Variants in ELF2 observed in about 807,000 individuals in gnomAD.
The protein encoded by ELF2 is ETS-related transcription factor Elf-2.
ELF2 carries 11 observed loss-of-function variants against 54.8 expected under a neutral mutation model. The observed-to-expected ratio is 0.20, with a 90% CI of 0.13 to 0.33. The LOEUF (loss-of-function observed/expected upper bound fraction) is 0.33. Ranked by LOEUF, ELF2 falls within the 10% of genes least tolerant of loss-of-function variation. The pLI is 1.00. For synonymous variants in ELF2, 203 were observed against 245.1 expected (o/e 0.83, Z 1.61); for missense variants, 513 against 703.0 (o/e 0.73, Z 3.06).
intron 3 of ELF2, 120 bp downstream of exon 3, chr4:139,137,510 A>G (rs1738308569): frequency 1.0e-6 from 1 of 972,444 alleles, no homozygotes. Context: ...CGACATGTAC[A>G]TGTATAATTT....
At position 139,172,400 on chromosome 4, in the gene ELF2, C is replaced by A. The variant is rs566421169; in HGVS notation, c.-252+4567G>T. Among the ~76,000 whole-genome samples the A allele has an allele frequency of 2.0e-4, 31 of 152,278 alleles. 1 individual carries two copies. In the South Asian group the frequency reaches 5.8e-3, roughly 29 times the overall value. ...CAGCATGATGAAACCTCATACCATGCCCCTCTGCCTCGGCCATGAATCATC... is the reference window on the plus strand; with the variant it reads ...CAGCATGATGAAACCTCATACCATGACCCTCTGCCTCGGCCATGAATCATC... On this transcript the variant is annotated intron_variant, in intron 1 of 9. Coordinates refer to ENST00000686138, the MANE Select transcript of ELF2 (RefSeq NM_001331036.3).
chr4:139,066,093 G>T (rs1482207807), intron 7 of ELF2: 1 of 130,870 alleles, frequency 7.6e-6, no homozygotes, highest in Non-Finnish European at 1.6e-5. Context: ...TTTTAAACTA[G>T]ACTTAATTTC....
At chr4:139,102,350 G>T (rs1354377238) in intron 4 of ELF2, 1 of 143,358 alleles carries the variant, frequency 7.0e-6, no homozygotes, top group Non-Finnish European at 1.5e-5. Context: ...GTGAAACCCG[G>T]TCTCTACGAA....
intron 1 of ELF2, among the ~76,000 whole-genome samples, chr4:139,164,530 T>C (rs1382275395): frequency 1.3e-5 from 2 of 152,066 alleles, no homozygotes; most frequent in Non-Finnish European, 2.9e-5. Context: ...CCAGCTACTC[T>C]GGAGGCTCAG....
At chr4:139,138,092 A>T (rs1302435042) in intron 2 of ELF2, among the ~76,000 whole-genome samples, 1 of 152,184 alleles carries the variant, frequency 6.6e-6, no homozygotes, top group African/African-American at 2.4e-5. Flanking sequence ...AATTGTACAT[A>T]GGTAGTATTA....
chr4:139,121,581 A>G lies in ELF2; in HGVS notation c.238+3583T>C, dbSNP rs187875627. Among the ~76,000 whole-genome samples the G allele has an allele frequency of 3.0e-3, 460 of 152,076 alleles. 2 individuals carry two copies. The highest frequency in any genetic ancestry group is 6.8e-3 in the Middle Eastern group (2 of 292). On this transcript the variant is annotated intron_variant, in intron 4 of 9. Coordinates refer to ENST00000686138, the MANE Select transcript of ELF2 (RefSeq NM_001331036.3). ...CTGTACTTTCAAACTCCTGTAGTGA[A>G]TCCAAAAAACTCCTTCCCTCCCCTC...
chr4:139,097,181 G>C (rs1297937644), intron 4 of ELF2, among the ~76,000 whole-genome samples: 1 of 151,870 alleles, frequency 6.6e-6, no homozygotes, highest in Non-Finnish European at 1.5e-5. Context: ...TGGTTTTTTT[G>C]TTTGTTTGTA....
At chr4:139,122,605 G>A (rs1367346948) in intron 4 of ELF2, among the ~76,000 whole-genome samples, 1 of 151,940 alleles carries the variant, frequency 6.6e-6, no homozygotes, top group African/African-American at 2.4e-5. Flanking sequence ...GAGTTCAAGC[G>A]AGTCTCCTGC....
chr4:139,105,280 T>C (rs1164103022), intron 4 of ELF2, among the ~76,000 whole-genome samples: 1 of 152,192 alleles, frequency 6.6e-6, no homozygotes, highest in African/African-American at 2.4e-5. Context: ...CAAACTTACA[T>C]GTTTTGTCCA....
chr4:139,062,180 T>C (rs1727963973), intron 7 of ELF2, 123 bp from the exon 8 acceptor site: 1 of 1,086,782 alleles, frequency 9.2e-7, no homozygotes, highest in Non-Finnish European at 1.3e-6. Flanking sequence ...TCTACTTTTT[T>C]TTTTTTTGGA....
At chr4:139,087,717 G>A (rs527497393) in intron 4 of ELF2, among the ~76,000 whole-genome samples, 11 of 152,126 alleles carry the variant, frequency 7.2e-5, no homozygotes, top group South Asian at 6.2e-4. Flanking sequence ...CGCCCTCCCC[G>A]GCCTCCCAAA....
rs1323915059 is a variant in ELF2 at position 139,113,626 on chromosome 4, G to C, written c.238+11538C>G. Among the ~76,000 whole-genome samples, 3 of 152,110 alleles carry C rather than the reference G, an allele frequency of 2.0e-5. No homozygotes were observed. In the East Asian group the frequency reaches 5.8e-4, roughly 29 times the overall value. On this transcript the variant is annotated intron_variant, in intron 4 of 9. Coordinates refer to ENST00000686138, the MANE Select transcript of ELF2 (RefSeq NM_001331036.3). ...GTACCTTGGGAGACCAAGGAGGACA[G>C]ATCGAGTCACTTGATGTCAGGAGTT...
At chr4:139,086,646 G>T (rs1367615178) in intron 4 of ELF2, among the ~76,000 whole-genome samples, 1 of 152,042 alleles carries the variant, frequency 6.6e-6, no homozygotes, top group Non-Finnish European at 1.5e-5. Context: ...TTATTAAGCT[G>T]GTAGCACTAA....
chr4:139,070,471 A>G (rs1284717942), intron 6 of ELF2, among the ~76,000 whole-genome samples: 1 of 151,862 alleles, frequency 6.6e-6, no homozygotes, highest in Non-Finnish European at 1.5e-5. Flanking sequence ...TTGTATTTTT[A>G]GTAGAGACAG....
chr4:139,156,492 T>C (rs1168292875), intron 1 of ELF2, among the ~76,000 whole-genome samples: 4 of 152,016 alleles, frequency 2.6e-5, no homozygotes, highest in Non-Finnish European at 4.4e-5. Context: ...CTTATACATA[T>C]ATTCTTGTGT....
chr4:139,095,383 C>T (rs1733146263), intron 4 of ELF2, among the ~76,000 whole-genome samples: 1 of 151,980 alleles, frequency 6.6e-6, no homozygotes, highest in Non-Finnish European at 1.5e-5. Context: ...CAGAGTTTCG[C>T]CATGTTGGCC....
At chr4:139,153,370 G>A (rs935975487) in intron 1 of ELF2, among the ~76,000 whole-genome samples, 20 of 152,112 alleles carry the variant, frequency 1.3e-4, no homozygotes, top group African/African-American at 4.8e-4. Flanking sequence ...GGGAGGCAGA[G>A]GTTGCTGTGA....
chr4:139,104,380 C>T (rs1314867433), intron 4 of ELF2, among the ~76,000 whole-genome samples: 1 of 151,662 alleles, frequency 6.6e-6, no homozygotes, highest in African/African-American at 2.4e-5. Flanking sequence ...CGTGGTGGTG[C>T]CCACCTGTAG....
Position 139,107,132 on chromosome 4 carries a change from TC to T in ELF2, c.238+18031del, listed in dbSNP as rs542554240. 2.2e-4 allele frequency among the ~76,000 whole-genome samples: 33 copies of T among 152,316 alleles called. 1 individual carries two copies. In the East Asian group the frequency reaches 6.4e-3, roughly 29 times the overall value. Reference sequence around the variant, plus strand: ...TTAAAACAATGCTCCGAGAGAAAGTTCATGGGCTTCACCCTATGGCCAAAAA... The same window carrying T: ...TTAAAACAATGCTCCGAGAGAAAGTTATGGGCTTCACCCTATGGCCAAAAA... On this transcript the variant is annotated intron_variant, in intron 4 of 9. Coordinates refer to ENST00000686138, the MANE Select transcript of ELF2 (RefSeq NM_001331036.3).
Sources: allele counts gnomAD v4.1 joint callset (sites outside exome capture counted in the v4.1 genomes callset), GRCh38; gene constraint gnomAD v4.1.1; transcripts MANE v1.5; gene names NCBI Gene and HGNC (gene_info 2026-07-23, HGNC 2026-07-21).